Variants in PAX3 observed in about 807,000 individuals in gnomAD.
PAX3 encodes the protein paired box 3.
In PAX3, 14 loss-of-function variants were observed where a neutral mutation model predicts 51.6. The observed-to-expected ratio is 0.27, with a 90% CI of 0.18 to 0.42. PAX3 has a LOEUF of 0.42. PAX3 is among the 10% of genes least tolerant of loss of function. The probability of loss-of-function intolerance (pLI) is 1.00; values close to 1 mark genes in which losing one functional copy is unlikely to be tolerated. For missense variants in PAX3, 540 were observed against 642.8 expected, an observed-to-expected ratio of 0.84 and a Z score of 1.73; for synonymous variants, 280 against 253.4, an observed-to-expected ratio of 1.11 and a Z score of -1.00.
intron 5 of PAX3, among the ~76,000 whole-genome samples, chr2:222,231,602 T>A (rs1161066029): frequency 6.6e-6 from 1 of 152,232 alleles, no homozygotes; most frequent in East Asian, 1.9e-4. Context: ...GGGATCCAAT[T>A]ATCTCTAGAC....
chr2:222,296,601 G>C (rs1231310505), intron 2 of PAX3, among the ~76,000 whole-genome samples: 2 of 152,168 alleles, frequency 1.3e-5, no homozygotes, highest in Non-Finnish European at 2.9e-5. Context: ...ATTCGTTTTG[G>C]AAAGGACGGT....
intron 5 of PAX3, among the ~76,000 whole-genome samples, chr2:222,225,705 G>T (rs987116598): frequency 6.6e-6 from 1 of 152,164 alleles, no homozygotes; most frequent in African/African-American, 2.4e-5. Context: ...TACTTCACAA[G>T]ATTGTTGTGA....
At chr2:222,202,711 G>T (rs1559250000) in intron 7 of PAX3, among the ~76,000 whole-genome samples, 1 of 148,868 alleles carries the variant, frequency 6.7e-6, no homozygotes, top group African/African-American at 2.5e-5. Context: ...TTTAAATAGT[G>T]TTCCCTCTCA....
At chr2:222,209,369 G>A (rs1691632058) in intron 7 of PAX3, among the ~76,000 whole-genome samples, 1 of 152,040 alleles carries the variant, frequency 6.6e-6, no homozygotes, top group East Asian at 1.9e-4. Flanking sequence ...ATAAAGAAAA[G>A]AACCAACTGA....
chr2:222,271,808 C>T, intron 4 of PAX3, among the ~76,000 whole-genome samples: 1 of 152,226 alleles, frequency 6.6e-6, no homozygotes. Flanking sequence ...CTCCTAGCTA[C>T]CTTCCCATTG....
chr2:222,215,545 G>C (rs933663112), intron 7 of PAX3, among the ~76,000 whole-genome samples: 2 of 152,122 alleles, frequency 1.3e-5, no homozygotes, highest in South Asian at 2.1e-4. Flanking sequence ...GTCTTGTTTT[G>C]GGGGTTTGGC....
In PAX3 at chr2:222,220,337, T is replaced by G; in HGVS notation, c.976A>C (p.Ser326Arg). The G allele has an allele frequency of 6.2e-7, 1 of 1,614,036 alleles. No homozygotes were observed. The highest frequency in any genetic ancestry group is 8.5e-7 in the Non-Finnish European group (1 of 1,179,918). The change falls in exon 7 of 9, where the codon AGC (serine) becomes CGC (arginine). Residue 326 changes from serine (S) to arginine (R), a missense_variant. Ser to Arg is a moderately radical substitution (Grantham distance 110). Around this residue, in one of 3 missense-constraint regions of PAX3, gnomAD observed 427 missense variants for 483.6 expected, o/e 0.88. Coordinates refer to ENST00000392070, the MANE Select transcript of PAX3 (RefSeq NM_181458.4). ...AGCGGTTGAGGTCTGTGAACGGTGC[T>G]GCTGGGATCTGACACAGCTGAAATG... ...SIPQAVSDPS[S>R]TVHRPQPLPP...
chr2:222,216,326 G>A (rs1574640115), intron 7 of PAX3, among the ~76,000 whole-genome samples: 1 of 152,186 alleles, frequency 6.6e-6, no homozygotes, highest in African/African-American at 2.4e-5. Context: ...TAAGCAAAAT[G>A]AAAATATTCC....
At chr2:222,213,705 A>G (rs923305454) in intron 7 of PAX3, among the ~76,000 whole-genome samples, 32 of 152,308 alleles carry the variant, frequency 2.1e-4, no homozygotes, top group South Asian at 2.1e-4. Flanking sequence ...GTGTAAAGGG[A>G]AGAAAGCCCC....
In PAX3 at chr2:222,201,048, C is replaced by T. The variant is rs1036351634; in HGVS notation, c.*360G>A. On this transcript the variant is annotated 3_prime_UTR_variant, in exon 9 of 9. Transcript: ENST00000392070. Reference sequence around the variant, plus strand: ...GTAAATCTCAATACACACACACACACACACACGCACGCACGCACACAAGCA... The same window carrying T: ...GTAAATCTCAATACACACACACACATACACACGCACGCACGCACACAAGCA... 57 of 995,218 alleles carry T rather than the reference C, an allele frequency of 5.7e-5. 2 individuals are homozygous for T. The South Asian group carries it at 8.1e-4, about 14-fold the overall frequency. The allele number at this position is 995,218 out of a possible 1,614,324, so 61.6% of individuals were successfully genotyped here. A position where few individuals can be genotyped will look rare whatever the true frequency, so the allele number is the denominator to read the frequency against.
intron 4 of PAX3, among the ~76,000 whole-genome samples, chr2:222,238,704 C>A (rs1692891453): frequency 6.6e-6 from 1 of 152,158 alleles, no homozygotes; most frequent in African/African-American, 2.4e-5. Flanking sequence ...TTTAATCTTT[C>A]TGAGCTAGAT....
chr2:222,293,684 AG>A (rs1695130737), intron 4 of PAX3: 15 of 1,614,050 alleles, frequency 9.3e-6, no homozygotes, highest in Non-Finnish European at 1.2e-5. Context: ...GCAATTTTGG[AG>A]GGCCGTTGCC....
At position 222,265,691 on chromosome 2, in the gene PAX3, G is replaced by A. The variant is rs138389284; in HGVS notation, c.586+28476C>T. 3.3e-4 allele frequency among the ~76,000 whole-genome samples: 47 copies of A among 142,114 alleles called. No homozygotes were observed. In the South Asian group the frequency reaches 3.7e-3, roughly 11 times the overall value. 93.2% of individuals were successfully genotyped at this position (142,114 alleles called of 152,430 possible). A position where few individuals can be genotyped will look rare whatever the true frequency, so the allele number is the denominator to read the frequency against. On this transcript the variant is annotated intron_variant, in intron 4 of 8. Transcript: ENST00000392070. The stretch of plus-strand genomic sequence containing the variant: ...GGAAGGAAGGAAGGAAGGAAGGAAG[G>A]GAGAAAGATTGATTTTGATTTTTCC...
At chr2:222,281,907 C>T (rs1383568073) in intron 4 of PAX3, among the ~76,000 whole-genome samples, 1 of 152,186 alleles carries the variant, frequency 6.6e-6, no homozygotes, top group Admixed American at 6.5e-5. Context: ...GGGCACCTTG[C>T]TAGCCATCTT....
intron 4 of PAX3, among the ~76,000 whole-genome samples, chr2:222,250,571 G>T (rs1481298322): frequency 6.6e-6 from 1 of 152,158 alleles, no homozygotes; most frequent in African/African-American, 2.4e-5. Context: ...TAATACCCTA[G>T]AAACTGAAGT....
intron 7 of PAX3, among the ~76,000 whole-genome samples, chr2:222,218,511 C>T (rs1692056036): frequency 1.3e-5 from 2 of 152,158 alleles, no homozygotes; most frequent in Admixed American, 6.5e-5. Context: ...TTTATTAAAA[C>T]TTTCAACCAA....
intron 1 of PAX3, 103 bp downstream of exon 1, chr2:222,298,428 G>C: frequency 1.1e-6 from 1 of 937,718 alleles, no homozygotes; most frequent in South Asian, 1.4e-5. Context: ...CCAGGGAATG[G>C]GCTTCCTGGA....
intron 8 of PAX3, 97 bp from the exon 9 acceptor site, chr2:222,201,539 G>T: frequency 1.3e-6 from 2 of 1,497,538 alleles, no homozygotes; most frequent in Non-Finnish European, 1.9e-6. Flanking sequence ...ATTTAATACC[G>T]TGCTATCAAA....
At chr2:222,274,817 C>T (rs1352374839) in intron 4 of PAX3, among the ~76,000 whole-genome samples, 3 of 152,286 alleles carry the variant, frequency 2.0e-5, no homozygotes, top group Non-Finnish European at 4.4e-5. Flanking sequence ...ATTTTAAAAG[C>T]TATACAGTTA....
Sources: gnomAD v4.1 joint callset for allele counts (sites outside exome capture counted in the v4.1 genomes callset) on GRCh38, gnomAD v4.1.1 for gene constraint, gnomAD v4.1.1 regional missense constraint, MANE v1.5 for transcripts, NCBI Gene and HGNC (gene_info 2026-07-23, HGNC 2026-07-21) for gene names.